Variants in FZD3 observed in about 807,000 individuals in gnomAD.
The protein encoded by FZD3 is frizzled-3.
Under a neutral mutation model 60.7 loss-of-function variants are expected in FZD3, and 30 were observed. The ratio of observed to expected loss-of-function variants is 0.49; its 90% CI spans 0.37 to 0.67. The LOEUF (loss-of-function observed/expected upper bound fraction) is 0.67. Among genes scored for constraint, FZD3 ranks in the 30% least tolerant of loss-of-function variants. The pLI, the probability that FZD3 is intolerant of heterozygous loss-of-function variation, is 0.00. For missense variants in FZD3, 605 were observed against 838.7 expected, an observed-to-expected ratio of 0.72 and a Z score of 3.44; for synonymous variants, 246 against 275.2, an observed-to-expected ratio of 0.89 and a Z score of 1.05.
intron 5 of FZD3, chr8:28,530,310 C>A (rs964750242): frequency 6.6e-6 from 1 of 152,036 alleles, no homozygotes; most frequent in Non-Finnish European, 1.5e-5. Flanking sequence ...AACTTCACCT[C>A]CCTCTGCTTC....
chr8:28,495,376 C>T (rs1340383750), intron 1 of FZD3, among the ~76,000 whole-genome samples: 1 of 152,160 alleles, frequency 6.6e-6, no homozygotes, highest in Admixed American at 6.5e-5. Flanking sequence ...AGAGTAGCCG[C>T]ATCAGTGACT....
intron 6 of FZD3, among the ~76,000 whole-genome samples, chr8:28,552,666 A>G (rs1025386577): frequency 1.2e-4 from 18 of 152,004 alleles, no homozygotes; most frequent in Non-Finnish European, 5.9e-5. Flanking sequence ...GTATTGGTTA[A>G]TGTCATTTTC....
At chr8:28,521,075 CA>C (rs1235819761) in intron 4 of FZD3, among the ~76,000 whole-genome samples, 1 of 152,094 alleles carries the variant, frequency 6.6e-6, no homozygotes, top group Admixed American at 6.5e-5. Flanking sequence ...ATAATCAAGA[CA>C]GTTGATTTTT....
At chr8:28,552,033 T>C (rs1222988083) in intron 6 of FZD3, among the ~76,000 whole-genome samples, 1 of 152,236 alleles carries the variant, frequency 6.6e-6, no homozygotes, top group East Asian at 1.9e-4. Context: ...CAAATTGTAA[T>C]TTTCTTAAAA....
chr8:28,556,853 G>A (rs1042649776), intron 7 of FZD3, among the ~76,000 whole-genome samples: 2 of 152,222 alleles, frequency 1.3e-5, no homozygotes, highest in Non-Finnish European at 2.9e-5. Context: ...GGTGGCTAGG[G>A]AGGGGGTTGG....
At chr8:28,506,269 G>T (rs1021430143) in intron 3 of FZD3, among the ~76,000 whole-genome samples, 2 of 152,244 alleles carry the variant, frequency 1.3e-5, no homozygotes, top group Non-Finnish European at 2.9e-5. Flanking sequence ...ATTAGTGGAA[G>T]AAGCACTAGA....
chr8:28,529,178 C>A (rs1804797023), intron 5 of FZD3, among the ~76,000 whole-genome samples: 1 of 152,096 alleles, frequency 6.6e-6, no homozygotes, highest in Non-Finnish European at 1.5e-5. Context: ...CTGGACCTCC[C>A]CAGATGCTGG....
Position 28,564,146 on chromosome 8 carries a change from ATTG to A in FZD3, c.*1140_*1142del, listed in dbSNP as rs1417353126. On this transcript the variant is annotated 3_prime_UTR_variant, in exon 8 of 8. Coordinates refer to ENST00000240093, the MANE Select transcript of FZD3 (RefSeq NM_017412.4). The stretch of plus-strand genomic sequence containing the variant: ...TGGTGATTGATTTGAGTATTTGAAA[ATTG>A]TTGTAGCTAAATGAAGCATGATTAG... The A allele has an allele frequency of 6.6e-6, 1 of 152,644 alleles. No individual in the cohort carries two copies. Among genetic ancestry groups the A allele is most frequent in the Non-Finnish European group, 1.5e-5 (1 of 68,042 alleles). 9.5% of individuals were successfully genotyped at this position (152,644 alleles called of 1,614,324 possible).
Position 28,528,247 on chromosome 8 carries a change from T to G in FZD3, c.1404+83T>G, listed in dbSNP as rs1804772740. On this transcript the variant is annotated intron_variant, in intron 5 of 7. Coordinates refer to ENST00000240093, the MANE Select transcript of FZD3 (RefSeq NM_017412.4). ...ACTATAATGAGTTAATATCAGCTGT[T>G]TTTTGAAATGTCATGAACCTTCAAC... The G allele has an allele frequency of 5.6e-6, 6 of 1,067,934 alleles. No individual in the cohort carries two copies. In the Admixed American group the frequency reaches 1.4e-4, roughly 25 times the overall value. The allele number at this position is 1,067,934 out of a possible 1,614,324, so 66.2% of individuals were successfully genotyped here.
In FZD3 at chr8:28,527,993, A is replaced by C. The variant is rs1804762132; in HGVS notation, c.1233A>C (p.Gln411His). 1 of 1,614,022 alleles carries C rather than the reference A, an allele frequency of 6.2e-7. No homozygotes were observed. The highest frequency in any genetic ancestry group is 8.5e-7 in the Non-Finnish European group (1 of 1,179,882). The change falls in exon 5 of 8, where the codon CAA (glutamine) becomes CAC (histidine). Residue 411 changes from glutamine (Q) to histidine (H), a missense_variant. Transcript: ENST00000240093. The surrounding 1 kb of genome is among the most constrained non-coding windows in gnomAD (Gnocchi z 5.0). Reference protein sequence around the residue: ...RIEIPLEKENQDKLVKFMIRI... With the variant: ...RIEIPLEKENHDKLVKFMIRI... The stretch of plus-strand genomic sequence containing the variant: ...AGATTCCATTAGAAAAGGAGAACCA[A>C]GATAAATTAGTGAAGTTTATGATCC...
At chr8:28,498,184 T>G (rs116193827) in intron 1 of FZD3, among the ~76,000 whole-genome samples, 2 of 152,310 alleles carry the variant, frequency 1.3e-5, no homozygotes, top group East Asian at 3.9e-4. Flanking sequence ...TCTTTTCCCA[T>G]ACAAAGGGCG....
intron 6 of FZD3, 23 bp from the exon 7 acceptor site, chr8:28,555,715 A>G: frequency 3.0e-6 from 4 of 1,335,854 alleles, no homozygotes; most frequent in Non-Finnish European, 3.2e-6. Context: ...TATGTATCTT[A>G]AACTTACTAT....
At chr8:28,505,610 C>A (rs1017226309) in intron 3 of FZD3, among the ~76,000 whole-genome samples, 2 of 152,172 alleles carry the variant, frequency 1.3e-5, no homozygotes, top group African/African-American at 4.8e-5. Flanking sequence ...CTTGGGCCTC[C>A]CAAAGTGCTG....
At chr8:28,500,506 GA>G (rs1803960368) in intron 2 of FZD3, among the ~76,000 whole-genome samples, 3 of 152,132 alleles carry the variant, frequency 2.0e-5, no homozygotes, top group Admixed American at 1.3e-4. Context: ...TAGTTTAAAT[GA>G]AATTTTTGAA....
chr8:28,526,791 A>G (rs1804724242), intron 4 of FZD3, among the ~76,000 whole-genome samples: 1 of 152,200 alleles, frequency 6.6e-6, no homozygotes, highest in African/African-American at 2.4e-5. Context: ...GTAAACAGCT[A>G]GTTACTGGGA....
At chr8:28,556,542 G>T (rs961536202) in intron 7 of FZD3, among the ~76,000 whole-genome samples, 2 of 152,090 alleles carry the variant, frequency 1.3e-5, no homozygotes, top group Non-Finnish European at 2.9e-5. Flanking sequence ...TGTTATTATT[G>T]TAATTGACAA....
rs1199939012 is a variant in FZD3 at position 28,520,747 on chromosome 8, G to A, written c.299G>A (p.Arg100His). 10 of 1,612,304 alleles carry A rather than the reference G, an allele frequency of 6.2e-6. No homozygotes were observed. The highest frequency in any genetic ancestry group is 2.2e-5 in the East Asian group (1 of 44,854). The stretch of plus-strand genomic sequence containing the variant: ...TATGGACGTGTCACACTTCCCTGTC[G>A]TAGGCTGTGTCAGCGGGCTTACAGT... The part of the protein sequence containing the change: ...MEYGRVTLPC[R>H]RLCQRAYSEC... The change falls in exon 4 of 8, where the codon CGT (arginine) becomes CAT (histidine). Residue 100 changes from arginine to histidine, a missense_variant. By Grantham distance (29) the Arg-to-His change is conservative. Transcript: ENST00000240093.
intron 7 of FZD3, among the ~76,000 whole-genome samples, chr8:28,560,157 T>G (rs1026456388): frequency 1.3e-5 from 2 of 152,160 alleles, no homozygotes; most frequent in Non-Finnish European, 2.9e-5. Flanking sequence ...TGATAGCAAA[T>G]AGTATGGACA....
intron 3 of FZD3, among the ~76,000 whole-genome samples, chr8:28,519,348 T>C (rs771351950): frequency 6.6e-6 from 1 of 152,232 alleles, no homozygotes; most frequent in Non-Finnish European, 1.5e-5. Flanking sequence ...TGTGGTTTTA[T>C]GTTTGGGGTT....
Sources: allele counts gnomAD v4.1 joint callset (sites outside exome capture counted in the v4.1 genomes callset), GRCh38; gene constraint gnomAD v4.1.1; non-coding constraint Gnocchi (gnomAD v3.1); transcripts MANE v1.5; gene names NCBI Gene and HGNC (gene_info 2026-07-23, HGNC 2026-07-21).